The following CLNK variants were observed in gnomAD, a reference collection of about 807,000 sequenced individuals.
CLNK encodes cytokine-dependent hematopoietic cell linker.
A neutral mutation model predicts 68.6 loss-of-function variants in CLNK; 74 were observed. The ratio of observed to expected loss-of-function variants is 1.08; its 90% CI spans 0.89 to 1.31. The LOEUF (loss-of-function observed/expected upper bound fraction) is 1.31. Ranked by LOEUF, CLNK falls within the 50% of genes most tolerant of loss-of-function variation. The pLI, the probability that CLNK is intolerant of heterozygous loss-of-function variation, is 0.00. For missense variants in CLNK, 553 were observed against 515.3 expected, an observed-to-expected ratio of 1.07 and a Z score of -0.71; for synonymous variants, 198 against 172.2, an observed-to-expected ratio of 1.15 and a Z score of -1.17.
At chr4:10,687,847 G>A (rs1180982063), upstream of CLNK, among the ~76,000 whole-genome samples, 11 of 152,078 alleles carry the variant, frequency 7.2e-5, no homozygotes, top group Non-Finnish European at 4.4e-5. Flanking sequence ...ATTGCTTCAC[G>A]AGTTCTTGCC....
intron 14 of CLNK, among the ~76,000 whole-genome samples, chr4:10,522,328 C>T (rs1417356275): frequency 6.7e-6 from 1 of 149,904 alleles, no homozygotes; most frequent in African/African-American, 2.5e-5. Context: ...AATCCCAACA[C>T]TTTGGGAGGC....
the CLNK span, among the ~76,000 whole-genome samples, chr4:10,690,596 G>T: frequency 6.6e-6 from 1 of 152,118 alleles, no homozygotes; most frequent in Non-Finnish European, 1.5e-5. Context: ...TCCCCAGAAG[G>T]ACCTCATGAG....
At chr4:10,630,401 G>A (rs1189781146) in intron 2 of CLNK, among the ~76,000 whole-genome samples, 2 of 152,210 alleles carry the variant, frequency 1.3e-5, no homozygotes, top group Non-Finnish European at 2.9e-5. Context: ...GGCTCTCACA[G>A]GCAAAGCTGG....
intron 12 of CLNK, among the ~76,000 whole-genome samples, 199 bp downstream of exon 12, chr4:10,532,057 G>A (rs1427134782): frequency 2.0e-5 from 3 of 152,172 alleles, no homozygotes; most frequent in African/African-American, 4.8e-5. Context: ...GGCCAAACAG[G>A]ATCTTGGTTT....
At chr4:10,715,382 G>T in the CLNK span, among the ~76,000 whole-genome samples, 1 of 152,154 alleles carries the variant, frequency 6.6e-6, no homozygotes, top group Non-Finnish European at 1.5e-5. Flanking sequence ...GGGCAGAATT[G>T]AGCTGAATCC....
At chr4:10,567,180 CA>C (rs1484278737) in intron 5 of CLNK, among the ~76,000 whole-genome samples, 4 of 145,606 alleles carry the variant, frequency 2.7e-5, no homozygotes, top group Non-Finnish European at 6.0e-5. Flanking sequence ...ACACTTATTT[CA>C]AAAGTTACTA....
chr4:10,494,459 A>ATT (rs11379290), intron 18 of CLNK, among the ~76,000 whole-genome samples: 227 of 140,116 alleles, frequency 1.6e-3, no homozygotes, highest in Middle Eastern at 3.7e-3. Context: ...AGTATTTCCT[A>ATT]TTTTTTTTTT....
At chr4:10,571,922 C>T (rs990955670) in intron 4 of CLNK, 144 bp from the exon 5 acceptor site, 3 of 638,640 alleles carry the variant, frequency 4.7e-6, no homozygotes, top group Non-Finnish European at 8.2e-6. Context: ...AACTAAAGTG[C>T]ATTTTTCTTT....
intron 2 of CLNK, among the ~76,000 whole-genome samples, chr4:10,663,310 G>C (rs941370575): frequency 1.3e-5 from 2 of 152,148 alleles, no homozygotes; most frequent in African/African-American, 4.8e-5. Context: ...AAAATAGCCT[G>C]CTAATTTCCG....
At chr4:10,554,328 C>G (rs537464750) in intron 8 of CLNK, among the ~76,000 whole-genome samples, 1 of 152,280 alleles carries the variant, frequency 6.6e-6, no homozygotes, top group East Asian at 1.9e-4. Flanking sequence ...AAAGGCAGTT[C>G]TTGTACATTG....
In CLNK at chr4:10,655,841, G is replaced by T. The variant is rs181587894; in HGVS notation, c.11+12018C>A. On this transcript the variant is annotated intron_variant, in intron 2 of 18. Coordinates refer to ENST00000226951, the MANE Select transcript of CLNK (RefSeq NM_052964.4). ...GTTTTTTGTATTTTTAGTAGAGATG[G>T]GGTTTCACCGTGTTAGCCAGGATGA... 5.0e-3 allele frequency among the ~76,000 whole-genome samples: 766 copies of T among 151,810 alleles called. 8 individuals carry two copies. The highest frequency in any genetic ancestry group is 0.018 in the African/African-American group (727 of 41,362).
At chr4:10,705,140 G>A in the CLNK span, among the ~76,000 whole-genome samples, 1 of 152,202 alleles carries the variant, frequency 6.6e-6, no homozygotes, top group East Asian at 1.9e-4. Context: ...TTGCATATAA[G>A]CTTATGTAAA....
chr4:10,551,607 C>T (rs1048708077), intron 8 of CLNK, among the ~76,000 whole-genome samples: 11 of 151,958 alleles, frequency 7.2e-5, no homozygotes, highest in Non-Finnish European at 1.3e-4. Flanking sequence ...CATGCAATAA[C>T]ACTATGAAAT....
At chr4:10,557,559 G>T (rs1391681277) in intron 8 of CLNK, among the ~76,000 whole-genome samples, 6 of 152,212 alleles carry the variant, frequency 3.9e-5, no homozygotes. Flanking sequence ...GGTAGGGCCA[G>T]CCCCGCTGCT....
chr4:10,502,128 A>G (rs10488947), intron 17 of CLNK, among the ~76,000 whole-genome samples: 18,989 of 152,124 alleles, frequency 0.12, 2,016 homozygotes, highest in African/African-American at 0.28. Flanking sequence ...CAGATTTTGC[A>G]TGATGTATTA....
chr4:10,553,184 T>C (rs1719529111), intron 8 of CLNK, among the ~76,000 whole-genome samples: 2 of 152,100 alleles, frequency 1.3e-5, no homozygotes, highest in Non-Finnish European at 2.9e-5. Flanking sequence ...GAATAGGAAA[T>C]GTACTGTGAA....
intron 1 of CLNK, among the ~76,000 whole-genome samples, chr4:10,669,209 A>C (rs1454733477): frequency 6.6e-6 from 1 of 152,238 alleles, no homozygotes; most frequent in Non-Finnish European, 1.5e-5. Context: ...GTGCCCAGTG[A>C]GACACAGTCC....
At chr4:10,588,389 T>C (rs1427171437) in intron 3 of CLNK, among the ~76,000 whole-genome samples, 1 of 152,174 alleles carries the variant, frequency 6.6e-6, no homozygotes, top group East Asian at 1.9e-4. Context: ...TAATGTCCAG[T>C]TCGTTAGTTT....
chr4:10,491,119 A>C (rs1326393100), intron 18 of CLNK, among the ~76,000 whole-genome samples: 1 of 152,230 alleles, frequency 6.6e-6, no homozygotes, highest in Non-Finnish European at 1.5e-5. Context: ...GATAAGAATG[A>C]TAACAAGAGA....
Sources: allele counts gnomAD v4.1 joint callset (sites outside exome capture counted in the v4.1 genomes callset), GRCh38; gene constraint gnomAD v4.1.1; transcripts MANE v1.5; gene names NCBI Gene and HGNC (gene_info 2026-07-23, HGNC 2026-07-21).